Variants in R3HDM1 observed in about 807,000 individuals in gnomAD.
R3HDM1 encodes the protein R3H domain-containing protein 1.
In R3HDM1, 46 loss-of-function variants were observed where a neutral mutation model predicts 141.1. That is an observed-to-expected ratio of 0.33 (90% confidence interval 0.26 to 0.42). R3HDM1 has a LOEUF of 0.42. Ranked by LOEUF, R3HDM1 falls within the 10% of genes least tolerant of loss-of-function variation. The pLI, the probability that R3HDM1 is intolerant of heterozygous loss-of-function variation, is 1.00. For synonymous variants in R3HDM1, 435 were observed against 472.9 expected (o/e 0.92, Z 1.04); for missense variants, 1,184 against 1,368.3 (o/e 0.87, Z 2.12).
chr2:135,588,040 C>A (rs774830811), intron 1 of R3HDM1, among the ~76,000 whole-genome samples: 4 of 151,830 alleles, frequency 2.6e-5, no homozygotes, highest in Non-Finnish European at 1.5e-5. Flanking sequence ...CTTAATCTCT[C>A]TCTCTCTCTC....
intron 1 of R3HDM1, among the ~76,000 whole-genome samples, chr2:135,541,774 A>G (rs909052418): frequency 1.3e-5 from 2 of 151,830 alleles, no homozygotes; most frequent in Admixed American, 6.6e-5. Flanking sequence ...ACACAGAGAC[A>G]TGAAGTGAGC....
chr2:135,686,317 C>T lies in R3HDM1; in HGVS notation c.2459+5993C>T, dbSNP rs542068599. ...TCATTTGATCCAGCAATTCCAAATA[C>T]TTCTAGATATTTATGCAGAAGAATT... On this transcript the variant is annotated intron_variant, in intron 21 of 26. Coordinates refer to ENST00000683871, the MANE Select transcript of R3HDM1 (RefSeq NM_001378107.1). Among the ~76,000 whole-genome samples, 4 of 152,318 alleles carry T rather than the reference C, an allele frequency of 2.6e-5. 1 individual carries two copies. The highest frequency in any genetic ancestry group is 2.6e-4 in the Admixed American group (4 of 15,304).
chr2:135,579,077 C>T (rs906876823), intron 1 of R3HDM1, among the ~76,000 whole-genome samples: 2 of 152,106 alleles, frequency 1.3e-5, no homozygotes, highest in African/African-American at 2.4e-5. Context: ...CATTAGTGTT[C>T]GGATCTTCTT....
At chr2:135,604,621 A>G (rs1327339213) in intron 2 of R3HDM1, among the ~76,000 whole-genome samples, 185 bp from the exon 3 acceptor site, 1 of 151,804 alleles carries the variant, frequency 6.6e-6, no homozygotes, top group Non-Finnish European at 1.5e-5. Context: ...CTCTTTTCTC[A>G]CTGTATTGTG....
chr2:135,641,423 G>A lies in R3HDM1; in HGVS notation c.1220-113G>A. The A allele has an allele frequency of 4.9e-6, 6 of 1,230,760 alleles. No individual in the cohort carries two copies. In the South Asian group the frequency reaches 9.2e-5, roughly 19 times the overall value. 76.2% of individuals were successfully genotyped at this position (1,230,760 alleles called of 1,614,324 possible). A position where few individuals can be genotyped will look rare whatever the true frequency, so the allele number is the denominator to read the frequency against. ...GGACAGTAAATTAAAAAGAGCCAAT[G>A]CTTTTATGTAGTAACTGCATGTTAT... On this transcript the variant is annotated intron_variant, in intron 14 of 26. Transcript: ENST00000683871.
intron 19 of R3HDM1, among the ~76,000 whole-genome samples, chr2:135,663,271 G>GC (rs2066995585): frequency 6.6e-6 from 1 of 152,110 alleles, no homozygotes; most frequent in Non-Finnish European, 1.5e-5. Flanking sequence ...TTTCTCTGAT[G>GC]CTAGTTATGA....
chr2:135,605,901 C>G (rs2060005882), intron 3 of R3HDM1: 1 of 152,204 alleles, frequency 6.6e-6, no homozygotes, highest in South Asian at 2.1e-4. Context: ...CTAGGCTGTT[C>G]TAGAACTCCT....
chr2:135,669,014 AG>A, intron 19 of R3HDM1: 3 of 531,402 alleles, frequency 5.6e-6, no homozygotes, highest in Non-Finnish European at 7.2e-6. Flanking sequence ...TATTTGAGCC[AG>A]TTCTTCTCCT....
intron 1 of R3HDM1, among the ~76,000 whole-genome samples, chr2:135,570,221 C>T (rs1703800954): frequency 6.6e-6 from 1 of 152,166 alleles, no homozygotes; most frequent in Admixed American, 6.5e-5. Context: ...GCTTGTGTTC[C>T]ACCAACTGCA....
intron 20 of R3HDM1, among the ~76,000 whole-genome samples, chr2:135,677,001 A>G (rs2069294721): frequency 6.6e-6 from 1 of 152,198 alleles, no homozygotes; most frequent in African/African-American, 2.4e-5. Flanking sequence ...AAATACAGCA[A>G]TGAACAGGTT....
intron 5 of R3HDM1, among the ~76,000 whole-genome samples, chr2:135,618,676 A>G (rs2061281205): frequency 6.6e-6 from 1 of 152,072 alleles, no homozygotes; most frequent in Admixed American, 6.6e-5. Flanking sequence ...GCTATATAAT[A>G]CAGTCTGAAA....
At chr2:135,674,271 TAGTG>T (rs1281887024) in intron 19 of R3HDM1, among the ~76,000 whole-genome samples, 1 of 152,194 alleles carries the variant, frequency 6.6e-6, no homozygotes, top group Non-Finnish European at 1.5e-5. Context: ...CTTTAGGAAT[TAGTG>T]AGGATATAAA....
rs1303726240 is a variant in R3HDM1, at chr2:135,710,043, A to G, written c.2564-16A>G. On this transcript the variant is annotated splice_polypyrimidine_tract_variant and intron_variant, in intron 22 of 26. Transcript: ENST00000683871. ...TAAAATATTCTGACTATAGCATCCTAAATTCTGATTTTCAGCTGGACCACC... is the reference window on the plus strand; with the variant it reads ...TAAAATATTCTGACTATAGCATCCTGAATTCTGATTTTCAGCTGGACCACC... 2 of 1,611,284 alleles carry G rather than the reference A, an allele frequency of 1.2e-6. No individual in the cohort carries two copies. Among genetic ancestry groups the G allele is most frequent in the South Asian group, 1.1e-5 (1 of 90,632 alleles).
intron 21 of R3HDM1, among the ~76,000 whole-genome samples, chr2:135,686,519 C>T (rs1013802780): frequency 2.0e-5 from 3 of 152,054 alleles, no homozygotes; most frequent in Non-Finnish European, 2.9e-5. Flanking sequence ...GAGGATGGCT[C>T]GAGCCCAGGA....
At chr2:135,635,340 C>T (rs987325088) in intron 9 of R3HDM1, among the ~76,000 whole-genome samples, 2 of 152,180 alleles carry the variant, frequency 1.3e-5, no homozygotes, top group Non-Finnish European at 2.9e-5. Context: ...CGAGGCAGTA[C>T]AGGCTTTGGG....
At chr2:135,591,650 G>A (rs1023001436) in intron 1 of R3HDM1, among the ~76,000 whole-genome samples, 1 of 152,162 alleles carries the variant, frequency 6.6e-6, no homozygotes, top group Non-Finnish European at 1.5e-5. Context: ...AATGACTTTT[G>A]ACACTAATGT....
chr2:135,654,457 G>GTTT (rs2065532272), intron 18 of R3HDM1, among the ~76,000 whole-genome samples: 1 of 151,672 alleles, frequency 6.6e-6, no homozygotes, highest in African/African-American at 2.4e-5. Context: ...TGTTGTTGTT[G>GTTT]TTGTTGTTGT....
intron 19 of R3HDM1, chr2:135,666,969 A>G (rs1412766176): frequency 2.6e-6 from 1 of 388,838 alleles, no homozygotes; most frequent in Admixed American, 6.5e-5. Context: ...CTATTGTACA[A>G]GCACAGTCTG....
chr2:135,717,966 A>G (rs2076335211), intron 24 of R3HDM1, among the ~76,000 whole-genome samples: 1 of 152,232 alleles, frequency 6.6e-6, no homozygotes, highest in African/African-American at 2.4e-5. Context: ...ATACCCAAAC[A>G]AGTTGTGCTA....
Sources: gnomAD v4.1 joint callset for allele counts (sites outside exome capture counted in the v4.1 genomes callset) on GRCh38, gnomAD v4.1.1 for gene constraint, MANE v1.5 for transcripts, NCBI Gene and HGNC (gene_info 2026-07-23, HGNC 2026-07-21) for gene names.